CDH13: variants seen among roughly 807,000 people sequenced by gnomAD.
CDH13 encodes cadherin 13.
CDH13 carries 24 observed loss-of-function variants against 63.8 expected under a neutral mutation model. That is an observed-to-expected ratio of 0.38 (90% CI 0.27 to 0.53). The LOEUF (loss-of-function observed/expected upper bound fraction) is 0.53, where lower values mean the gene tolerates loss of function less well. Among genes scored for constraint, CDH13 ranks in the 20% least tolerant of loss-of-function variants. The pLI, the probability that CDH13 is intolerant of heterozygous loss-of-function variation, is 0.85. For missense variants in CDH13, 1,049 were observed against 903.1 expected, an observed-to-expected ratio of 1.16 and a Z score of -2.07; for synonymous variants, 503 against 355.3, an observed-to-expected ratio of 1.42 and a Z score of -4.67.
At chr16:83,273,404 A>G (rs1048248529) in intron 5 of CDH13, among the ~76,000 whole-genome samples, 1 of 152,062 alleles carries the variant, frequency 6.6e-6, no homozygotes, top group African/African-American at 2.4e-5. Flanking sequence ...GAGTACTCAT[A>G]GACATAGTAG....
intron 7 of CDH13, among the ~76,000 whole-genome samples, chr16:83,523,844 C>T (rs1014235614): frequency 2.0e-5 from 3 of 152,224 alleles, no homozygotes; most frequent in Non-Finnish European, 4.4e-5. Flanking sequence ...CCTCGTTATG[C>T]AGCTCCTAGA....
intron 6 of CDH13, among the ~76,000 whole-genome samples, chr16:83,358,127 C>T (rs896098207): frequency 7.9e-5 from 12 of 152,108 alleles, no homozygotes; most frequent in African/African-American, 2.4e-4. Context: ...CTCAGTATAC[C>T]TTAGCAGCAG....
At chr16:83,215,968 A>T (rs144380148) in intron 4 of CDH13, among the ~76,000 whole-genome samples, 1 of 151,872 alleles carries the variant, frequency 6.6e-6, no homozygotes, top group African/African-American at 2.4e-5. Context: ...CTTTAGTTGC[A>T]CATCTACATA....
chr16:82,640,665 G>A (rs1418549469), intron 1 of CDH13, among the ~76,000 whole-genome samples: 1 of 152,178 alleles, frequency 6.6e-6, no homozygotes, highest in East Asian at 1.9e-4. Flanking sequence ...TTAAGACAGG[G>A]ATAGGGCAGA....
rs1400740856 is a variant in CDH13, at chr16:83,072,685, C to A, written c.366+40467C>A. On this transcript the variant is annotated intron_variant, in intron 3 of 13. Coordinates refer to ENST00000567109, the MANE Select transcript of CDH13 (RefSeq NM_001257.5). ...GGGTTTAATTGCCTCCAAGCTTGAT[C>A]TGTGCATGGAGCAATGTCGTTATGA... Among the ~76,000 whole-genome samples, 8 of 152,172 alleles carry A rather than the reference C, an allele frequency of 5.3e-5. No individual in the cohort carries two copies. In the East Asian group the frequency reaches 1.5e-3, roughly 29 times the overall value.
rs147051411 is a variant in CDH13 at position 82,644,797 on chromosome 16, G to C, written c.45+17660G>C. 6.6e-6 allele frequency among the ~76,000 whole-genome samples: 1 copy of C among 152,278 alleles called. No individual in the cohort carries two copies. The highest frequency in any genetic ancestry group is 2.4e-5 in the African/African-American group (1 of 41,550). ...GCAACAGGAGATCACGCAAAGCCAC[G>C]TAAGTGTCTGATTCAGTCCTCCCTG... On this transcript the variant is annotated intron_variant, in intron 1 of 13. Coordinates refer to ENST00000567109, the MANE Select transcript of CDH13 (RefSeq NM_001257.5). The surrounding 1 kb of genome is among the most constrained non-coding windows in gnomAD (Gnocchi z 5.7).
At chr16:82,984,642 T>G (rs181982255) in intron 2 of CDH13, among the ~76,000 whole-genome samples, 280 of 152,320 alleles carry the variant, frequency 1.8e-3, no homozygotes, top group Middle Eastern at 3.4e-3. Context: ...TGAAGAAGGT[T>G]CAGCTATGAT....
In CDH13 at chr16:83,189,104, CA is replaced by C. The variant is rs2038616648; in HGVS notation, c.484-28238del. ...AAAGGAACTCGATGCCCTGTTTCAA[CA>C]AAGTACATTGATTTTTTGCTTTGTG... On this transcript the variant is annotated intron_variant, in intron 4 of 13. Transcript: ENST00000567109. Among the ~76,000 whole-genome samples the C allele has an allele frequency of 2.0e-5, 3 of 152,234 alleles. No homozygotes were observed. The South Asian group carries it at 6.2e-4, about 31-fold the overall frequency.
chr16:83,202,189 G>A (rs549045081), intron 4 of CDH13, among the ~76,000 whole-genome samples: 1 of 152,218 alleles, frequency 6.6e-6, no homozygotes, highest in South Asian at 2.1e-4. Context: ...AAATGATCTT[G>A]CCAGGCTCAG....
intron 1 of CDH13, chr16:82,823,985 C>G (rs1009779516): frequency 2.0e-5 from 3 of 152,008 alleles, no homozygotes; most frequent in African/African-American, 7.3e-5. Context: ...CATTTTCTAG[C>G]AAAAGAAACC....
chr16:82,641,162 C>A (rs1281538306), intron 1 of CDH13, among the ~76,000 whole-genome samples: 1 of 152,200 alleles, frequency 6.6e-6, no homozygotes, highest in Non-Finnish European at 1.5e-5. Context: ...AATGGTCCCT[C>A]CACAGAATAG....
At chr16:83,752,138 T>C (rs944221816) in intron 11 of CDH13, among the ~76,000 whole-genome samples, 6 of 152,256 alleles carry the variant, frequency 3.9e-5, no homozygotes, top group Non-Finnish European at 5.9e-5. Context: ...CTGTAGTATG[T>C]AGAAGTATCT....
chr16:82,726,720 A>G (rs2033117792), intron 1 of CDH13, among the ~76,000 whole-genome samples: 1 of 152,276 alleles, frequency 6.6e-6, no homozygotes, highest in Non-Finnish European at 1.5e-5. Flanking sequence ...AAGAGTTAGC[A>G]GAGATTAAGT....
chr16:83,555,348 C>G (rs909514840), intron 7 of CDH13, among the ~76,000 whole-genome samples: 1 of 152,186 alleles, frequency 6.6e-6, no homozygotes, highest in African/African-American at 2.4e-5. Flanking sequence ...CTTTCAGAAA[C>G]CAAGACCCTG....
At chr16:83,063,255 C>G (rs186473824) in intron 3 of CDH13, among the ~76,000 whole-genome samples, 111 of 152,272 alleles carry the variant, frequency 7.3e-4, no homozygotes, top group Admixed American at 3.2e-3. Flanking sequence ...AGCTATCACG[C>G]CCAGCCTGGT....
At chr16:83,670,243 C>T (rs1914383422) in intron 8 of CDH13, among the ~76,000 whole-genome samples, 1 of 152,210 alleles carries the variant, frequency 6.6e-6, no homozygotes, top group Non-Finnish European at 1.5e-5. Context: ...ACTTACAAGT[C>T]TTAACGCTTG....
chr16:83,248,480 C>G (rs1905183721), intron 5 of CDH13, among the ~76,000 whole-genome samples: 1 of 152,122 alleles, frequency 6.6e-6, no homozygotes, highest in Non-Finnish European at 1.5e-5. Context: ...AATTACTTCC[C>G]AGGGTTAGTA....
chr16:83,791,014 A>C (rs1170836353), intron 13 of CDH13, among the ~76,000 whole-genome samples: 2 of 152,142 alleles, frequency 1.3e-5, no homozygotes. Flanking sequence ...AGACACAATA[A>C]AGAAATTTAA....
chr16:82,779,294 T>C (rs1275435726), intron 1 of CDH13, among the ~76,000 whole-genome samples: 1 of 152,146 alleles, frequency 6.6e-6, no homozygotes, highest in African/African-American at 2.4e-5. Flanking sequence ...TAGTAGGCAG[T>C]CCAGCTTCAG....
Sources: gnomAD v4.1 joint callset for allele counts (sites outside exome capture counted in the v4.1 genomes callset) on GRCh38, gnomAD v4.1.1 for gene constraint, Gnocchi (gnomAD v3.1) non-coding constraint, MANE v1.5 for transcripts, NCBI Gene and HGNC (gene_info 2026-07-23, HGNC 2026-07-21) for gene names.